Variants in PTPRO observed in about 807,000 individuals in gnomAD.
PTPRO encodes protein tyrosine phosphatase receptor type O.
In PTPRO, 62 loss-of-function variants were observed where a neutral mutation model predicts 145.2. The observed-to-expected ratio is 0.43, with a 90% CI of 0.35 to 0.53. The LOEUF (loss-of-function observed/expected upper bound fraction) is 0.53, where lower values mean the gene tolerates loss of function less well. Ranked by LOEUF, PTPRO falls within the 20% of genes least tolerant of loss-of-function variation. The pLI is 0.01. For missense variants in PTPRO, 1,345 were observed against 1,482.7 expected (o/e 0.91, Z 1.53); for synonymous variants, 565 against 514.7 (o/e 1.10, Z -1.32).
At chr12:15,504,542 CA>C (rs1481427255) in intron 6 of PTPRO, among the ~76,000 whole-genome samples, 2 of 152,176 alleles carry the variant, frequency 1.3e-5, no homozygotes, top group Non-Finnish European at 2.9e-5. Context: ...ATAGCTAGAG[CA>C]ACCTGAAAGT....
chr12:15,546,634 G>A lies in PTPRO; in HGVS notation c.2230G>A (p.Val744Met), dbSNP rs1410858494. The part of the protein sequence containing the change: ...KTQTSVTLLW[V>M]EEGVADFFEV... ...CCAGACTTCAGTGACTTTGCTGTGG[G>A]TGGAAGAGGGAGTAGCTGATTTCTT... Residue 744 changes from valine to methionine, a missense_variant, in exon 13 of 27, where the codon GTG becomes ATG. Coordinates refer to ENST00000281171, the MANE Select transcript of PTPRO (RefSeq NM_030667.3). The A allele has an allele frequency of 1.9e-6, 3 of 1,613,704 alleles. No individual in the cohort carries two copies. The highest frequency in any genetic ancestry group is 2.2e-5 in the South Asian group (2 of 91,084).
intron 1 of PTPRO, among the ~76,000 whole-genome samples, chr12:15,400,776 A>G (rs1451734577): frequency 2.6e-5 from 4 of 152,232 alleles, no homozygotes; most frequent in Non-Finnish European, 5.9e-5. Flanking sequence ...AAAATATACC[A>G]AAACTCCTAC....
At chr12:15,496,977 AT>A (rs1942120208) in intron 2 of PTPRO, among the ~76,000 whole-genome samples, 1 of 152,194 alleles carries the variant, frequency 6.6e-6, no homozygotes, top group South Asian at 2.1e-4. Flanking sequence ...GAGATATTTT[AT>A]TTGCTCTTCC....
At chr12:15,435,048 C>A (rs182008465) in intron 1 of PTPRO, among the ~76,000 whole-genome samples, 4 of 152,274 alleles carry the variant, frequency 2.6e-5, no homozygotes, top group Admixed American at 1.3e-4. Context: ...TTTAAAGACA[C>A]CAGTGCCCCC....
chr12:15,506,253 T>A (rs534222194), intron 6 of PTPRO, among the ~76,000 whole-genome samples: 9 of 152,350 alleles, frequency 5.9e-5, no homozygotes, highest in Non-Finnish European at 1.0e-4. Flanking sequence ...ACACATATTA[T>A]CTCATTTGAT....
chr12:15,373,330 A>T (rs2136262771), intron 1 of PTPRO, among the ~76,000 whole-genome samples: 2 of 152,330 alleles, frequency 1.3e-5, no homozygotes, highest in African/African-American at 4.8e-5. Flanking sequence ...GGGTGCTAAG[A>T]TTGGCATCAT....
At chr12:15,437,261 C>A (rs187519836) in intron 1 of PTPRO, among the ~76,000 whole-genome samples, 2 of 151,922 alleles carry the variant, frequency 1.3e-5, no homozygotes, top group African/African-American at 4.8e-5. Context: ...CCAGGAAGAT[C>A]TCCAGGCATT....
At chr12:15,406,857 C>T (rs978447407) in intron 1 of PTPRO, among the ~76,000 whole-genome samples, 11 of 152,130 alleles carry the variant, frequency 7.2e-5, no homozygotes, top group Non-Finnish European at 1.6e-4. Flanking sequence ...AATACGAGAA[C>T]AATTTTGGGT....
At chr12:15,490,307 A>G (rs1941973991) in intron 2 of PTPRO, among the ~76,000 whole-genome samples, 1 of 152,152 alleles carries the variant, frequency 6.6e-6, no homozygotes, top group Non-Finnish European at 1.5e-5. Context: ...AACTTTTTCT[A>G]TGAAGGCTTA....
Position 15,497,260 on chromosome 12 carries a change from C to T in PTPRO, c.365C>T (p.Thr122Ile), listed in dbSNP as rs540081228. 1.7e-5 allele frequency: 27 copies of T among 1,573,834 alleles called. No individual in the cohort carries two copies. The highest frequency in any genetic ancestry group is 2.2e-5 in the East Asian group (1 of 44,564). Residue 122 changes from threonine to isoleucine, a missense_variant, in exon 3 of 27, where the codon ACC becomes ATC. Thr to Ile is a moderately conservative substitution (Grantham distance 89). Coordinates refer to ENST00000281171, the MANE Select transcript of PTPRO (RefSeq NM_030667.3). ...ITVLTKPLPV[T>I]SVSIYDYKPS... is the part of the protein sequence containing the mutation. Reference sequence around the variant, plus strand: ...ACTTCTGTAGAACCTCTACCTGTAACCAGTGTTTCCATATATGACTATAAA... The same window carrying T: ...ACTTCTGTAGAACCTCTACCTGTAATCAGTGTTTCCATATATGACTATAAA...
intron 1 of PTPRO, among the ~76,000 whole-genome samples, chr12:15,339,309 C>T (rs1191199813): frequency 1.3e-5 from 2 of 152,058 alleles, no homozygotes; most frequent in Non-Finnish European, 2.9e-5. Context: ...ACAGTGGGGA[C>T]AGATTCAGGT....
Position 15,551,667 on chromosome 12 carries a change from G to A in PTPRO, c.2554G>A (p.Ala852Thr). 6.2e-7 allele frequency: 1 copy of A among 1,613,102 alleles called. No individual in the cohort carries two copies. Among genetic ancestry groups the A allele is most frequent in the Non-Finnish European group, 8.5e-7 (1 of 1,179,454 alleles). The part of the protein sequence containing the change: ...IILRKKHLQM[A>T]RECGAGTFVN... ...TCTTAGGAAAAAGCATCTGCAGATG[G>A]CTAGGTAAGTTAAGTTTTACTAATA... Residue 852 changes from alanine (A) to threonine (T), a missense_variant, in exon 15 of 27, where the codon GCT becomes ACT. By Grantham distance (58) the Ala-to-Thr change is moderately conservative (BLOSUM62 0). Around this residue, in one of 3 missense-constraint regions of PTPRO, gnomAD observed 1,130 missense variants for 1,214.7 expected, o/e 0.93. Transcript: ENST00000281171.
Position 15,504,077 on chromosome 12 carries a change from A to G in PTPRO, c.1267+8A>G, listed in dbSNP as rs1257785833. The G allele has an allele frequency of 1.2e-6, 2 of 1,606,158 alleles. No homozygotes were observed. Among genetic ancestry groups the G allele is most frequent in the Middle Eastern group, 1.7e-4 (1 of 6,034 alleles). On this transcript the variant is annotated splice_region_variant and intron_variant, in intron 6 of 26. Transcript: ENST00000281171. ...CACTCAGCTTTTATATCAGTAAGTA[A>G]CAAAGAGATCATTTTACACTTACTG...
At chr12:15,515,730 T>A in intron 8 of PTPRO, 112 bp downstream of exon 8, 1 of 1,359,414 alleles carries the variant, frequency 7.4e-7, no homozygotes, top group Non-Finnish European at 1.1e-6. Flanking sequence ...TCCATATTAG[T>A]TCATCCAATA....
At chr12:15,571,756 A>G (rs1278898638) in intron 19 of PTPRO, among the ~76,000 whole-genome samples, 1 of 152,204 alleles carries the variant, frequency 6.6e-6, no homozygotes, top group African/African-American at 2.4e-5. Context: ...CATTCAAACC[A>G]ATCACAGCCA....
intron 1 of PTPRO, among the ~76,000 whole-genome samples, chr12:15,474,113 T>C (rs1417684277): frequency 6.6e-6 from 1 of 152,126 alleles, no homozygotes. Flanking sequence ...TTTCTAAGGA[T>C]TGCTGTGAGG....
chr12:15,586,345 A>G (rs1205671377), intron 23 of PTPRO, among the ~76,000 whole-genome samples: 1 of 152,176 alleles, frequency 6.6e-6, no homozygotes, highest in East Asian at 1.9e-4. Context: ...GCACCATGGT[A>G]CTGTCTCACT....
At chr12:15,433,704 C>T (rs1291587113) in intron 1 of PTPRO, among the ~76,000 whole-genome samples, 1 of 152,078 alleles carries the variant, frequency 6.6e-6, no homozygotes, top group Non-Finnish European at 1.5e-5. Flanking sequence ...CTATTCTGTT[C>T]CTTTGGTTTA....
chr12:15,529,566 C>T (rs920607605), intron 12 of PTPRO, among the ~76,000 whole-genome samples: 1 of 151,966 alleles, frequency 6.6e-6, no homozygotes, highest in Non-Finnish European at 1.5e-5. Context: ...TCACTTTAGC[C>T]CAGGAGATTG....
Sources: gnomAD v4.1 joint callset for allele counts (sites outside exome capture counted in the v4.1 genomes callset) on GRCh38, gnomAD v4.1.1 for gene constraint, gnomAD v4.1.1 regional missense constraint, MANE v1.5 for transcripts, NCBI Gene and HGNC (gene_info 2026-07-23, HGNC 2026-07-21) for gene names.